The following SAMD4A variants were observed in gnomAD, a reference collection of about 807,000 sequenced individuals.
SAMD4A encodes the protein sterile alpha motif domain containing 4A.
A neutral mutation model predicts 81.3 loss-of-function variants in SAMD4A; 33 were observed. The observed-to-expected ratio is 0.41, with a 90% CI of 0.31 to 0.54. SAMD4A has a LOEUF of 0.54. Among genes scored for constraint, SAMD4A ranks in the 20% least tolerant of loss-of-function variants. SAMD4A has a pLI of 0.37. For missense variants in SAMD4A, 854 were observed against 951.1 expected (o/e 0.90, Z 1.34); for synonymous variants, 389 against 382.1 (o/e 1.02, Z -0.21).
In SAMD4A at chr14:54,679,362, G is replaced by C. The variant is rs535835246; in HGVS notation, c.197-22700G>C. 1.6e-4 allele frequency among the ~76,000 whole-genome samples: 24 copies of C among 152,306 alleles called. No homozygotes were observed. In the East Asian group the frequency reaches 4.6e-3, roughly 29 times the overall value. Reference sequence around the variant, plus strand: ...CTTGCTATGTGCTCTTAAAACACAAGTGCTAATATTATGAGAAATGAATTA... The same window carrying C: ...CTTGCTATGTGCTCTTAAAACACAACTGCTAATATTATGAGAAATGAATTA... On this transcript the variant is annotated intron_variant, in intron 2 of 12. Transcript: ENST00000554335.
chr14:54,634,221 G>A (rs564807741), intron 2 of SAMD4A, among the ~76,000 whole-genome samples: 1 of 147,196 alleles, frequency 6.8e-6, no homozygotes, highest in East Asian at 2.1e-4. Context: ...GGGAGGCAGA[G>A]GTTGCAGTGA....
intron 2 of SAMD4A, among the ~76,000 whole-genome samples, chr14:54,654,594 G>A (rs1240708923): frequency 2.0e-5 from 3 of 152,222 alleles, no homozygotes; most frequent in Non-Finnish European, 4.4e-5. Flanking sequence ...AGATTGTCAT[G>A]TAATGTTACA....
intron 4 of SAMD4A, among the ~76,000 whole-genome samples, chr14:54,745,248 G>A (rs1378169049): frequency 6.6e-6 from 1 of 152,132 alleles, no homozygotes; most frequent in Admixed American, 6.5e-5. Context: ...AGATGAAGTC[G>A]ACTCTCTTTG....
At chr14:54,577,201 T>G (rs1471492733) in intron 2 of SAMD4A, among the ~76,000 whole-genome samples, 1 of 152,232 alleles carries the variant, frequency 6.6e-6, no homozygotes, top group Non-Finnish European at 1.5e-5. Context: ...CCCTCTCCCT[T>G]GGCCAAGTGT....
chr14:54,666,171 T>G (rs2035752587), intron 2 of SAMD4A, among the ~76,000 whole-genome samples: 1 of 152,106 alleles, frequency 6.6e-6, no homozygotes, highest in Non-Finnish European at 1.5e-5. Context: ...ATCCCAGAAG[T>G]GTTCTGGGCC....
At chr14:54,744,013 C>G (rs2037907156) in intron 4 of SAMD4A, among the ~76,000 whole-genome samples, 1 of 152,326 alleles carries the variant, frequency 6.6e-6, no homozygotes, top group East Asian at 1.9e-4. Flanking sequence ...CTCTTCTCCC[C>G]CTCAGAGATC....
At chr14:54,619,246 G>T (rs1457017703) in intron 2 of SAMD4A, among the ~76,000 whole-genome samples, 1 of 152,142 alleles carries the variant, frequency 6.6e-6, no homozygotes, top group African/African-American at 2.4e-5. Context: ...TTGTTATCAA[G>T]ACTTTGAAAA....
At chr14:54,718,425 T>A (rs1053205486) in intron 3 of SAMD4A, among the ~76,000 whole-genome samples, 1 of 152,220 alleles carries the variant, frequency 6.6e-6, no homozygotes, top group Non-Finnish European at 1.5e-5. Flanking sequence ...GCCCCAGCAA[T>A]GGCTTAGGAG....
chr14:54,641,946 C>T (rs1237426211), intron 2 of SAMD4A, among the ~76,000 whole-genome samples: 2 of 152,076 alleles, frequency 1.3e-5, no homozygotes, highest in Non-Finnish European at 2.9e-5. Flanking sequence ...TACAGGTGCA[C>T]ACCACCACGC....
At chr14:54,609,759 A>G (rs11158018) in intron 2 of SAMD4A, among the ~76,000 whole-genome samples, 112,065 of 152,152 alleles carry the variant, frequency 0.74, 41,401 homozygotes, top group East Asian at 0.85. Context: ...GACTGTCGAA[A>G]AAAGTAATTA....
At chr14:54,662,512 C>T (rs372105681) in intron 2 of SAMD4A, among the ~76,000 whole-genome samples, 6 of 151,582 alleles carry the variant, frequency 4.0e-5, no homozygotes, top group East Asian at 3.9e-4. Flanking sequence ...CAGGTTCAAG[C>T]GATTCTCATG....
At position 54,723,103 on chromosome 14, in the gene SAMD4A, GAAA is replaced by G. The variant is rs5808793; in HGVS notation, c.716-13911_716-13909del. Reference sequence around the variant, plus strand: ...TATGGTTATCTTATATTTTTAAATAGAAAAAAAAAAAACCCATCTAGGTGTTTC... The same window carrying G: ...TATGGTTATCTTATATTTTTAAATAGAAAAAAAAACCCATCTAGGTGTTTC... On this transcript the variant is annotated intron_variant, in intron 3 of 12. Coordinates refer to ENST00000554335, the MANE Select transcript of SAMD4A (RefSeq NM_015589.6). Among the ~76,000 whole-genome samples the G allele has an allele frequency of 1.7e-4, 26 of 150,592 alleles. No homozygotes were observed. The South Asian group carries it at 2.5e-3, about 15-fold the overall frequency.
At chr14:54,665,016 C>A (rs1245792902) in intron 2 of SAMD4A, among the ~76,000 whole-genome samples, 1 of 151,812 alleles carries the variant, frequency 6.6e-6, no homozygotes, top group Non-Finnish European at 1.5e-5. Flanking sequence ...TCTCTTTGGT[C>A]CAAAAACATT....
intron 2 of SAMD4A, among the ~76,000 whole-genome samples, chr14:54,635,918 G>T (rs2035024529): frequency 1.3e-5 from 2 of 152,302 alleles, no homozygotes; most frequent in South Asian, 2.1e-4. Flanking sequence ...CCAGACACAG[G>T]TCTAGACACT....
At chr14:54,607,675 C>T (rs757094213) in intron 2 of SAMD4A, among the ~76,000 whole-genome samples, 2 of 151,894 alleles carry the variant, frequency 1.3e-5, no homozygotes, top group South Asian at 2.1e-4. Flanking sequence ...AGGATGGTCT[C>T]GATCTCCTGA....
intron 2 of SAMD4A, among the ~76,000 whole-genome samples, chr14:54,571,290 A>G (rs959128935): frequency 1.3e-5 from 2 of 152,140 alleles, no homozygotes; most frequent in Non-Finnish European, 2.9e-5. Context: ...TTTTTCTTTT[A>G]ACAGATATGG....
intron 2 of SAMD4A, among the ~76,000 whole-genome samples, chr14:54,637,919 C>T (rs994601925): frequency 8.5e-5 from 13 of 152,152 alleles, no homozygotes; most frequent in Admixed American, 1.3e-4. Context: ...CAATAAACAA[C>T]GTGTGCACAG....
At chr14:54,759,721 G>A (rs913449897) in intron 6 of SAMD4A, among the ~76,000 whole-genome samples, 2 of 152,156 alleles carry the variant, frequency 1.3e-5, no homozygotes, top group Non-Finnish European at 2.9e-5. Flanking sequence ...CCTGTGCTGC[G>A]TGTGCCATGG....
chr14:54,570,517 G>A (rs1226705863), intron 2 of SAMD4A, among the ~76,000 whole-genome samples: 1 of 152,168 alleles, frequency 6.6e-6, no homozygotes, highest in Non-Finnish European at 1.5e-5. Flanking sequence ...AGGGACTGCT[G>A]TAATCAGTAG....
Sources: gnomAD v4.1 joint callset for allele counts (sites outside exome capture counted in the v4.1 genomes callset) on GRCh38, gnomAD v4.1.1 for gene constraint, MANE v1.5 for transcripts, NCBI Gene and HGNC (gene_info 2026-07-23, HGNC 2026-07-21) for gene names.